The following SORCS1 variants were observed in gnomAD, a reference collection of about 807,000 sequenced individuals.
SORCS1 encodes the protein sortilin related VPS10 domain containing receptor 1, also known as VPS10 domain-containing receptor SorCS1.
In SORCS1, 60 loss-of-function variants were observed where a neutral mutation model predicts 146.1. The ratio of observed to expected loss-of-function variants is 0.41; its 90% CI spans 0.33 to 0.51. The LOEUF (loss-of-function observed/expected upper bound fraction) is 0.51, where lower values mean the gene tolerates loss of function less well. Among genes scored for constraint, SORCS1 ranks in the 20% least tolerant of loss-of-function variants. The pLI, the probability that SORCS1 is intolerant of heterozygous loss-of-function variation, is 0.21. For synonymous variants in SORCS1, 637 were observed against 584.0 expected, an observed-to-expected ratio of 1.09 and a Z score of -1.31; for missense variants, 1,352 against 1,487.6, an observed-to-expected ratio of 0.91 and a Z score of 1.50.
chr10:107,152,246 T>C (rs778955229), intron 1 of SORCS1, among the ~76,000 whole-genome samples: 1 of 152,202 alleles, frequency 6.6e-6, no homozygotes, highest in Non-Finnish European at 1.5e-5. Flanking sequence ...TGTACAGAAA[T>C]GCCTGGATGT....
intron 3 of SORCS1, among the ~76,000 whole-genome samples, chr10:106,821,023 T>A (rs1054753958): frequency 6.6e-6 from 1 of 152,156 alleles, no homozygotes; most frequent in Non-Finnish European, 1.5e-5. Context: ...AAATAAATAA[T>A]TAGACAGATA....
At chr10:106,974,407 C>T (rs1240182730) in intron 1 of SORCS1, among the ~76,000 whole-genome samples, 1 of 152,138 alleles carries the variant, frequency 6.6e-6, no homozygotes, top group African/African-American at 2.4e-5. Flanking sequence ...ATACAGAAGG[C>T]TTTGTGAGAC....
chr10:106,924,728 C>T (rs1329373547), intron 2 of SORCS1, among the ~76,000 whole-genome samples: 27 of 138,692 alleles, frequency 1.9e-4, no homozygotes, highest in African/African-American at 3.3e-4. Flanking sequence ...ATTCCCAAGT[C>T]TTTTTTTTTT....
intron 4 of SORCS1, among the ~76,000 whole-genome samples, chr10:106,775,692 A>T (rs1860378886): frequency 6.6e-6 from 1 of 152,234 alleles, no homozygotes; most frequent in Middle Eastern, 3.2e-3. Context: ...TGCATAATGC[A>T]TTTCACAAGG....
intron 2 of SORCS1, among the ~76,000 whole-genome samples, chr10:106,838,591 T>A (rs1015684310): frequency 6.6e-6 from 1 of 152,250 alleles, no homozygotes; most frequent in Non-Finnish European, 1.5e-5. Flanking sequence ...TTCCTATTGA[T>A]TCTTCCTATT....
chr10:107,044,172 A>G (rs1283281148), intron 1 of SORCS1, among the ~76,000 whole-genome samples: 1 of 152,134 alleles, frequency 6.6e-6, no homozygotes, highest in African/African-American at 2.4e-5. Flanking sequence ...TTTGTTTTCA[A>G]TATTTTTCTG....
In SORCS1 at chr10:106,709,372, G is replaced by A. The variant is rs370666817; in HGVS notation, c.1025-31C>T. The A allele has an allele frequency of 2.0e-5, 27 of 1,367,322 alleles. No individual in the cohort carries two copies. In the African/African-American group the frequency reaches 3.6e-4, roughly 18 times the overall value. 84.7% of individuals were successfully genotyped at this position (1,367,322 alleles called of 1,614,324 possible). ...AAACAAAAACAAAAACAAAAACATG[G>A]GGTTGAGGGGGATATACAGACAGAG... On this transcript the variant is annotated intron_variant, in intron 6 of 25. Transcript: ENST00000263054.
chr10:106,688,479 G>A lies in SORCS1; in HGVS notation c.1414-141C>T, dbSNP rs930476512. ...GAAAGGTTGACGATGGGGGAAGGAG[G>A]TGGCTCAAGGTATAATGACTTCCTA... On this transcript the variant is annotated intron_variant, in intron 9 of 25. Transcript: ENST00000263054. 2.5e-5 allele frequency: 21 copies of A among 856,140 alleles called. No homozygotes were observed. The Admixed American group carries it at 5.1e-4, about 21-fold the overall frequency. 53.0% of individuals were successfully genotyped at this position (856,140 alleles called of 1,614,324 possible).
intron 1 of SORCS1, among the ~76,000 whole-genome samples, chr10:107,058,998 TA>T (rs142047796): frequency 0.01 from 1,585 of 152,350 alleles, 15 homozygotes; most frequent in South Asian, 0.028. Flanking sequence ...ACCGGGTTTT[TA>T]TCACGTGCTA....
chr10:106,689,528 G>C, intron 9 of SORCS1, among the ~76,000 whole-genome samples: 1 of 152,156 alleles, frequency 6.6e-6, no homozygotes, highest in East Asian at 1.9e-4. Flanking sequence ...AAGCCTATTT[G>C]AACCTACTTA....
At chr10:106,873,787 C>A (rs932844142) in intron 2 of SORCS1, among the ~76,000 whole-genome samples, 1 of 152,178 alleles carries the variant, frequency 6.6e-6, no homozygotes, top group East Asian at 1.9e-4. Context: ...CACCTCGAGG[C>A]CTTTGTAATT....
chr10:106,836,769 C>T (rs1589513744), intron 2 of SORCS1, among the ~76,000 whole-genome samples: 1 of 151,908 alleles, frequency 6.6e-6, no homozygotes, highest in African/African-American at 2.4e-5. Flanking sequence ...GAAACTCTCA[C>T]AAGGATCTAT....
the SORCS1 span, among the ~76,000 whole-genome samples, chr10:107,176,846 T>C: frequency 1.1e-3 from 173 of 152,190 alleles, 1 homozygote; most frequent in African/African-American, 3.9e-3. Context: ...ATATAGTGTT[T>C]TATATATATA....
chr10:106,868,521 T>C (rs1202230769), intron 2 of SORCS1, among the ~76,000 whole-genome samples: 1 of 151,932 alleles, frequency 6.6e-6, no homozygotes, highest in Non-Finnish European at 1.5e-5. Flanking sequence ...GTGCAATAAA[T>C]GTAGAAGACT....
intron 1 of SORCS1, among the ~76,000 whole-genome samples, chr10:107,016,087 A>G (rs904634652): frequency 6.6e-5 from 10 of 152,246 alleles, no homozygotes; most frequent in African/African-American, 2.2e-4. Context: ...AAAATTTGAG[A>G]GAGCTACACT....
chr10:106,865,434 C>T (rs2137500115), intron 2 of SORCS1, among the ~76,000 whole-genome samples: 1 of 152,260 alleles, frequency 6.6e-6, no homozygotes, highest in South Asian at 2.1e-4. Context: ...TAAAAAGTGG[C>T]CAAACTGGGC....
chr10:106,748,415 ATGCAAACTTAAT>A (rs1251889591), intron 5 of SORCS1, among the ~76,000 whole-genome samples: 3 of 152,104 alleles, frequency 2.0e-5, no homozygotes, highest in Non-Finnish European at 4.4e-5. Flanking sequence ...AACTTAATTG[ATGCAAACTTAAT>A]TGCAAACTTA....
chr10:106,830,608 A>G (rs1322439931), intron 2 of SORCS1, among the ~76,000 whole-genome samples: 1 of 150,446 alleles, frequency 6.6e-6, no homozygotes, highest in Non-Finnish European at 1.5e-5. Context: ...AATTTAAAGA[A>G]TATAGGGCTG....
intron 1 of SORCS1, among the ~76,000 whole-genome samples, chr10:107,082,327 TTTTGC>T (rs1376599737): frequency 1.3e-5 from 2 of 152,218 alleles, no homozygotes; most frequent in African/African-American, 2.4e-5. Context: ...TTTTGTTTTG[TTTTGC>T]TTTGCTTTTA....
Sources: gnomAD v4.1 joint callset for allele counts (sites outside exome capture counted in the v4.1 genomes callset) on GRCh38, gnomAD v4.1.1 for gene constraint, MANE v1.5 for transcripts, NCBI Gene and HGNC (gene_info 2026-07-23, HGNC 2026-07-21) for gene names.